Variants in FGF14 observed in about 807,000 individuals in gnomAD.
FGF14 encodes fibroblast growth factor homologous factor 4.
In FGF14, 5 loss-of-function variants were observed where a neutral mutation model predicts 25.5. That is an observed-to-expected ratio of 0.20 (90% CI 0.10 to 0.41). The LOEUF (loss-of-function observed/expected upper bound fraction) is 0.41, where lower values mean the gene tolerates loss of function less well. Ranked by LOEUF, FGF14 falls within the 10% of genes least tolerant of loss-of-function variation. FGF14 has a pLI of 1.00. For missense variants in FGF14, 222 were observed against 320.1 expected, an observed-to-expected ratio of 0.69 and a Z score of 2.34; for synonymous variants, 138 against 118.3, an observed-to-expected ratio of 1.17 and a Z score of -1.08.
intron 1 of FGF14, among the ~76,000 whole-genome samples, chr13:102,261,026 C>T (rs2052692885): frequency 6.6e-6 from 1 of 152,166 alleles, no homozygotes; most frequent in Non-Finnish European, 1.5e-5. Flanking sequence ...CCATAGGAGA[C>T]ACTCAGATAC....
chr13:102,284,002 G>A (rs1269941206), intron 1 of FGF14, among the ~76,000 whole-genome samples: 1 of 152,122 alleles, frequency 6.6e-6, no homozygotes, highest in Non-Finnish European at 1.5e-5. Flanking sequence ...GCAAAAAGTA[G>A]GTATTATAAC....
chr13:102,094,741 TC>T (rs1321722928), intron 1 of FGF14, among the ~76,000 whole-genome samples: 15 of 152,200 alleles, frequency 9.9e-5, no homozygotes, highest in African/African-American at 3.6e-4. Flanking sequence ...GAACCCTTTT[TC>T]TGGATTGATT....
At chr13:102,093,319 GTATA>G (rs2044251744) in intron 1 of FGF14, among the ~76,000 whole-genome samples, 1 of 152,108 alleles carries the variant, frequency 6.6e-6, no homozygotes, top group Non-Finnish European at 1.5e-5. Context: ...CAAAATTTAT[GTATA>G]TACTTACTGA....
In FGF14 at chr13:101,722,887, T is replaced by G. The variant is rs1446952534; in HGVS notation, c.688A>C (p.Ser230Arg). Residue 230 changes from serine to arginine, a missense_variant, in exon 5 of 5, where the codon AGT becomes CGT. Transcript: ENST00000376143. ...KPGVTPSKST[S>R]ASAIMNGGKP... Reference sequence around the variant, plus strand: ...CCTCCATTCATTATTGCAGACGCACTTGTGCTTTTACTTGGCGTCACCCCA... The same window carrying G: ...CCTCCATTCATTATTGCAGACGCACGTGTGCTTTTACTTGGCGTCACCCCA... 6.2e-7 allele frequency: 1 copy of G among 1,613,404 alleles called. No individual in the cohort carries two copies. The highest frequency in any genetic ancestry group is 1.7e-5 in the Admixed American group (1 of 59,872).
chr13:102,351,298 AC>A (rs1566955041), intron 1 of FGF14, among the ~76,000 whole-genome samples: 2 of 152,104 alleles, frequency 1.3e-5, no homozygotes, highest in African/African-American at 4.8e-5. Context: ...GAAAAAAAAA[AC>A]GATCTTCTTC....
intron 1 of FGF14, among the ~76,000 whole-genome samples, chr13:102,213,090 C>G (rs1200466502): frequency 6.6e-6 from 1 of 152,202 alleles, no homozygotes; most frequent in African/African-American, 2.4e-5. Context: ...GAAAACAGCT[C>G]TAAAGCAGCC....
At chr13:102,312,678 A>G (rs2055831509) in intron 1 of FGF14, among the ~76,000 whole-genome samples, 1 of 152,196 alleles carries the variant, frequency 6.6e-6, no homozygotes, top group African/African-American at 2.4e-5. Context: ...AGCCCTAGGA[A>G]AAATATAAGA....
intron 3 of FGF14, among the ~76,000 whole-genome samples, chr13:101,842,037 C>T (rs550052069): frequency 1.3e-5 from 2 of 152,002 alleles, no homozygotes; most frequent in African/African-American, 2.4e-5. Flanking sequence ...TCTTTGGCAA[C>T]GTTATGATCT....
intron 3 of FGF14, among the ~76,000 whole-genome samples, chr13:101,762,612 ATATG>A (rs2038101816): frequency 6.6e-6 from 1 of 152,232 alleles, no homozygotes; most frequent in Non-Finnish European, 1.5e-5. Flanking sequence ...AAATGAAACA[ATATG>A]GCAAAACCAA....
intron 1 of FGF14, among the ~76,000 whole-genome samples, chr13:101,950,903 GCTTACTTACT>G (rs1187803445): frequency 6.6e-6 from 1 of 152,056 alleles, no homozygotes. Context: ...TTCCTGAAAT[GCTTACTTACT>G]CTTTAAAGAA....
At chr13:102,136,903 G>A (rs1034434841) in intron 1 of FGF14, among the ~76,000 whole-genome samples, 1 of 152,194 alleles carries the variant, frequency 6.6e-6, no homozygotes, top group Non-Finnish European at 1.5e-5. Context: ...TTGGCTAATG[G>A]ACCAGTCATG....
At chr13:102,114,292 T>C (rs1042208779) in intron 1 of FGF14, among the ~76,000 whole-genome samples, 1 of 152,166 alleles carries the variant, frequency 6.6e-6, no homozygotes, top group Non-Finnish European at 1.5e-5. Context: ...AGGAATTTCT[T>C]ATATATTTTA....
intron 1 of FGF14, among the ~76,000 whole-genome samples, chr13:101,892,224 T>A (rs1350227396): frequency 6.6e-6 from 1 of 152,160 alleles, no homozygotes; most frequent in Non-Finnish European, 1.5e-5. Context: ...AAACTCTTAA[T>A]TTTCCCCTAA....
At position 102,149,764 on chromosome 13, in the gene FGF14, C is replaced by T. The variant is rs571260105; in HGVS notation, c.208+251707G>A. On this transcript the variant is annotated intron_variant, in intron 1 of 4. Transcript: ENST00000376131. ...ATCAGGCAGCAAGAGCAGCCCAGGG[C>T]AGAGCTCCGGAAGCCTTGTAAGGGG... Among the ~76,000 whole-genome samples, 7 of 152,298 alleles carry T rather than the reference C, an allele frequency of 4.6e-5. No individual in the cohort carries two copies. In the South Asian group the frequency reaches 1.4e-3, roughly 32 times the overall value.
At chr13:102,123,639 C>T (rs934350488) in intron 1 of FGF14, among the ~76,000 whole-genome samples, 1 of 152,126 alleles carries the variant, frequency 6.6e-6, no homozygotes, top group Non-Finnish European at 1.5e-5. Context: ...TTTCCCATTA[C>T]TTTGCAACTT....
At chr13:102,178,499 T>C (rs993443023) in intron 1 of FGF14, among the ~76,000 whole-genome samples, 17 of 152,168 alleles carry the variant, frequency 1.1e-4, no homozygotes, top group African/African-American at 3.1e-4. Flanking sequence ...ATCGCCCAAA[T>C]AGTGGACACT....
Position 101,715,531 on chromosome 13 carries a change from TA to T in FGF14, c.*7299del. The T allele has an allele frequency of 6.8e-7, 1 of 1,464,816 alleles. No individual in the cohort carries two copies. Among genetic ancestry groups the T allele is most frequent in the Non-Finnish European group, 9.6e-7 (1 of 1,044,358 alleles). 90.7% of individuals were successfully genotyped at this position (1,464,816 alleles called of 1,614,324 possible). A position where few individuals can be genotyped will look rare whatever the true frequency, so the allele number is the denominator to read the frequency against. ...GTTTAAATTTGGCACATTTTGATCA[TA>T]ATCATGATACCTATATGTATTTTAT... On this transcript the variant is annotated 3_prime_UTR_variant, in exon 5 of 5. Transcript: ENST00000376143.
chr13:102,262,138 G>T (rs549971221), intron 1 of FGF14, among the ~76,000 whole-genome samples: 1 of 152,016 alleles, frequency 6.6e-6, no homozygotes, highest in African/African-American at 2.4e-5. Flanking sequence ...TTTTTTTCAT[G>T]GATACAGCAA....
upstream of FGF14, chr13:102,402,224 G>GATC (rs1448283205): frequency 6.3e-6 from 1 of 157,706 alleles, no homozygotes; most frequent in African/African-American, 2.4e-5. Flanking sequence ...TGCTCAGTGG[G>GATC]ATCGGTTTGA....
Sources: allele counts gnomAD v4.1 joint callset (sites outside exome capture counted in the v4.1 genomes callset), GRCh38; gene constraint gnomAD v4.1.1; transcripts MANE v1.5; gene names NCBI Gene and HGNC (gene_info 2026-07-23, HGNC 2026-07-21).